TKTL1: variants seen among roughly 807,000 people sequenced by gnomAD.
TKTL1 encodes transketolase like 1, also known as transketolase-like protein 1.
In TKTL1, 1 loss-of-function variant was observed where a neutral mutation model predicts 39.3. The ratio of observed to expected loss-of-function variants is 0.03; its 90% CI spans 0.01 to 0.12. The LOEUF (loss-of-function observed/expected upper bound fraction) is 0.12. Among genes scored for constraint, TKTL1 ranks in the 10% least tolerant of loss-of-function variants. TKTL1 has a pLI of 1.00. For missense variants in TKTL1, 575 were observed against 509.6 expected (o/e 1.13, Z -1.24); for synonymous variants, 262 against 193.8 (o/e 1.35, Z -2.92).
chrX:154,325,157 C>A lies in TKTL1; in HGVS notation c.1318-182C>A, dbSNP rs782130143. On this transcript the variant is annotated intron_variant, in intron 9 of 12. Transcript: ENST00000369915. ...GCATGGGGGAGCTTGTCCTTCAGGG[C>A]AGCCCCAAGGTCCTGCTGGGACCTG... is the stretch of plus-strand genomic sequence containing the variant. Among the ~76,000 whole-genome samples, 7 of 112,218 alleles carry A rather than the reference C, an allele frequency of 6.2e-5. No homozygotes were observed. In the South Asian group the frequency reaches 2.2e-3, roughly 35 times the overall value.
chrX:154,320,979 T>G, intron 8 of TKTL1, 66 bp downstream of exon 8: 4 of 1,098,363 alleles, frequency 3.6e-6, no homozygotes, highest in Non-Finnish European at 5.0e-6. Flanking sequence ...TAGCATGTGA[T>G]TGGTTAAACC....
intron 12 of TKTL1, among the ~76,000 whole-genome samples, chrX:154,329,088 T>C (rs1557172627): frequency 8.9e-6 from 1 of 112,298 alleles, no homozygotes; most frequent in Non-Finnish European, 1.9e-5. Flanking sequence ...AAGCAGGTGC[T>C]CATGTCAACC....
At chrX:154,324,825 A>C (rs981694380) in intron 9 of TKTL1, among the ~76,000 whole-genome samples, 14 of 112,206 alleles carry the variant, frequency 1.2e-4, no homozygotes, top group Admixed American at 1.9e-4. Context: ...TATGTATGTA[A>C]ATTAACAAAT....
intron 8 of TKTL1, 84 bp downstream of exon 8, chrX:154,320,997 T>G: frequency 2.0e-6 from 2 of 1,013,621 alleles, no homozygotes; most frequent in Middle Eastern, 2.6e-4. Flanking sequence ...ACCACGAATT[T>G]CCTTATGGTT....
chrX:154,315,419 T>C (rs1194053423), intron 7 of TKTL1, 82 bp downstream of exon 7: 3 of 1,014,230 alleles, frequency 3.0e-6, no homozygotes, highest in Non-Finnish European at 4.0e-6. Flanking sequence ...TAGTTTTTCT[T>C]TCCATTTATG....
At chrX:154,320,115 G>T (rs73629169) in intron 7 of TKTL1, among the ~76,000 whole-genome samples, 2,921 of 112,266 alleles carry the variant, frequency 0.026, 96 homozygotes, top group African/African-American at 0.087. Flanking sequence ...AGGAGGAAAT[G>T]CCTTGAGATC....
At position 154,305,297 on chromosome X, in the gene TKTL1, C is replaced by T. The variant is rs369556534; in HGVS notation, c.135-7C>T. 7 of 1,203,936 alleles carry T rather than the reference C, an allele frequency of 5.8e-6. No individual in the cohort carries two copies. Among genetic ancestry groups the T allele is most frequent in the Non-Finnish European group, 7.9e-6 (7 of 889,261 alleles). ...GAGAAATGACCAGTGTCATGTCTGT[C>T]TTTCAGCCACCCTACATCATGTAGC... On this transcript the variant is annotated splice_region_variant and splice_polypyrimidine_tract_variant and intron_variant, in intron 1 of 12. Coordinates refer to ENST00000369915, the MANE Select transcript of TKTL1 (RefSeq NM_012253.4).
chrX:154,309,474 C>T (rs782048299), intron 3 of TKTL1, 32 bp downstream of exon 3: 4 of 1,111,411 alleles, frequency 3.6e-6, no homozygotes, highest in Middle Eastern at 2.4e-4. Context: ...CATTTAACTG[C>T]CCTACATCTA....
intron 12 of TKTL1, 97 bp downstream of exon 12, chrX:154,328,055 C>G (rs1459821291): frequency 9.6e-7 from 1 of 1,045,189 alleles, no homozygotes; most frequent in African/African-American, 1.9e-5. Context: ...TATAGTCTAC[C>G]TCTCACCCAG....
rs76575927 is a variant in TKTL1, at chrX:154,298,705, A to T, written c.134+2712A>T. 9.6e-4 allele frequency among the ~76,000 whole-genome samples: 107 copies of T among 111,293 alleles called. No individual in the cohort carries two copies. In the East Asian group the frequency reaches 0.028, roughly 29 times the overall value. ...TGAGACCCTGTCTCAAAAAGAAAAA[A>T]AAATTGGTTTCATTAAATTTTTTCT... On this transcript the variant is annotated intron_variant, in intron 1 of 12. Coordinates refer to ENST00000369915, the MANE Select transcript of TKTL1 (RefSeq NM_012253.4).
At chrX:154,325,464 T>G in intron 10 of TKTL1, 42 bp downstream of exon 10, 1 of 1,075,339 alleles carries the variant, frequency 9.3e-7, no homozygotes, top group Non-Finnish European at 1.3e-6. Context: ...TATCATCTCC[T>G]GTAAAAAGAA....
At chrX:154,318,088 A>T (rs1557169742) in intron 7 of TKTL1, among the ~76,000 whole-genome samples, 1 of 110,601 alleles carries the variant, frequency 9.0e-6, no homozygotes, top group African/African-American at 3.3e-5. Context: ...TTTTTTGTAG[A>T]GATGGAGTCT....
intron 1 of TKTL1, among the ~76,000 whole-genome samples, chrX:154,301,533 A>C (rs1388443572): frequency 1.8e-5 from 2 of 111,743 alleles, no homozygotes; most frequent in Non-Finnish European, 3.8e-5. Context: ...TAAATAAATA[A>C]ATCTTGCTCC....
At chrX:154,324,864 C>T (rs782637762) in intron 9 of TKTL1, among the ~76,000 whole-genome samples, 1 of 112,083 alleles carries the variant, frequency 8.9e-6, no homozygotes, top group Non-Finnish European at 1.9e-5. Context: ...TTCATTTATA[C>T]TGGTAAATGT....
In TKTL1 at chrX:154,310,340, CAGG is replaced by C. The variant is rs782380796; in HGVS notation, c.351-493_351-491del. On this transcript the variant is annotated intron_variant, in intron 3 of 12. Coordinates refer to ENST00000369915, the MANE Select transcript of TKTL1 (RefSeq NM_012253.4). ...GGGCATGGTGGCGTGGGCCTGTAGG[CAGG>C]AGAATTGCTTGAACCCGGGAGGTGG... 3.3e-3 allele frequency among the ~76,000 whole-genome samples: 366 copies of C among 111,506 alleles called. 4 individuals are homozygous for C. Among genetic ancestry groups the C allele is most frequent in the African/African-American group, 8.7e-3 (266 of 30,693 alleles).
rs782538169 is a variant in TKTL1, at chrX:154,295,963, C to T, written c.104C>T (p.Ser35Phe). 12 of 1,211,853 alleles carry T rather than the reference C, an allele frequency of 9.9e-6. No homozygotes were observed. The highest frequency in any genetic ancestry group is 1.3e-5 in the Non-Finnish European group (12 of 895,472). Residue 35 changes from serine (S) to phenylalanine (F), a missense_variant, in exon 1 of 13, where the codon TCC becomes TTC. Physicochemically the swap from Ser to Phe is radical, Grantham distance 155. Coordinates refer to ENST00000369915, the MANE Select transcript of TKTL1 (RefSeq NM_012253.4). ...QDMASRLRIHSIRATCSTSSG... is the reference protein window; with the variant it reads ...QDMASRLRIHFIRATCSTSSG... ...ATGGCCAGCCGCTTGCGAATCCATT[C>T]CATCAGGGCCACATGCTCCACGAGC...
chrX:154,329,730 T>C lies in TKTL1; in HGVS notation c.*42T>C, dbSNP rs781955739. ...GGTCTTTTGGCCTCTTTACCCTGTG[T>C]TTATGTTTGTTCCAAAACCATCATT... On this transcript the variant is annotated 3_prime_UTR_variant, in exon 13 of 13. Coordinates refer to ENST00000369915, the MANE Select transcript of TKTL1 (RefSeq NM_012253.4). 12 of 1,167,445 alleles carry C rather than the reference T, an allele frequency of 1.0e-5. No individual in the cohort carries two copies. In the South Asian group the frequency reaches 1.9e-4, roughly 18 times the overall value.
chrX:154,329,551 A>G lies in TKTL1; in HGVS notation c.1654A>G (p.Met552Val). The G allele has an allele frequency of 8.3e-7, 1 of 1,212,010 alleles. No homozygotes were observed. The highest frequency in any genetic ancestry group is 1.1e-6 in the Non-Finnish European group (1 of 895,536). The change falls in exon 13 of 13, where the codon ATG (methionine) becomes GTG (valine). Residue 552 changes from methionine to valine, a missense_variant. Physicochemically the swap from Met to Val is conservative, Grantham distance 21 (BLOSUM62 1). Transcript: ENST00000369915. Reference protein sequence around the residue: ...IGEAVCAAVSMDPDIQVHSLA... With the variant: ...IGEAVCAAVSVDPDIQVHSLA... ...GGAAGCTGTCTGCGCAGCCGTCTCC[A>G]TGGATCCTGACATTCAGGTTCATTC...
intron 7 of TKTL1, among the ~76,000 whole-genome samples, chrX:154,317,651 G>A (rs781818301): frequency 1.8e-5 from 2 of 112,920 alleles, no homozygotes; most frequent in African/African-American, 3.2e-5. Context: ...ATGGCTTCAC[G>A]TAGGAAAGGG....
Sources: gnomAD v4.1 joint callset for allele counts (sites outside exome capture counted in the v4.1 genomes callset) on GRCh38, gnomAD v4.1.1 for gene constraint, MANE v1.5 for transcripts, NCBI Gene and HGNC (gene_info 2026-07-23, HGNC 2026-07-21) for gene names.